The following SYN3 variants were observed in gnomAD, a reference collection of about 807,000 sequenced individuals.
SYN3 encodes synapsin III.
In SYN3, 35 loss-of-function variants were observed where a neutral mutation model predicts 65.8. That is an observed-to-expected ratio of 0.53 (90% CI 0.41 to 0.70). The LOEUF is 0.70. Among genes scored for constraint, SYN3 ranks in the 30% least tolerant of loss-of-function variants. SYN3 has a pLI of 0.00. For missense variants in SYN3, 680 were observed against 749.0 expected (o/e 0.91, Z 1.08); for synonymous variants, 270 against 292.9 (o/e 0.92, Z 0.80).
At chr22:32,647,372 A>G (rs1249199690) in intron 6 of SYN3, among the ~76,000 whole-genome samples, 1 of 152,188 alleles carries the variant, frequency 6.6e-6, no homozygotes, top group Non-Finnish European at 1.5e-5. Flanking sequence ...GCTTGAAAAT[A>G]GCATCAACAG....
intron 7 of SYN3, among the ~76,000 whole-genome samples, chr22:32,556,822 T>TGTGTGTGTAGAGATGGGG (rs2058508271): frequency 7.6e-6 from 1 of 131,990 alleles, no homozygotes; most frequent in Non-Finnish European, 1.6e-5. Context: ...TTTTTTTTTT[T>TGTGTGTGTAGAGATGGGG]TTTTTTTTTT....
intron 6 of SYN3, among the ~76,000 whole-genome samples, chr22:32,689,046 G>A (rs2060629243): frequency 6.6e-6 from 1 of 152,206 alleles, no homozygotes; most frequent in Non-Finnish European, 1.5e-5. Flanking sequence ...GAAACACACA[G>A]CACATAATAG....
chr22:32,952,757 A>G (rs1044553238), intron 3 of SYN3, among the ~76,000 whole-genome samples: 13 of 152,160 alleles, frequency 8.5e-5, no homozygotes, highest in Non-Finnish European at 1.6e-4. Context: ...CCTATCTCAA[A>G]TAAATAAATA....
intron 12 of SYN3, among the ~76,000 whole-genome samples, chr22:32,521,910 T>C (rs951355021): frequency 3.9e-5 from 6 of 152,350 alleles, no homozygotes; most frequent in South Asian, 2.1e-4. Context: ...ATTCAGTAAC[T>C]CTTTGTTGAG....
chr22:32,560,093 C>A (rs1054905849), intron 7 of SYN3, among the ~76,000 whole-genome samples: 88 of 152,358 alleles, frequency 5.8e-4, no homozygotes, highest in Non-Finnish European at 5.9e-5. Context: ...ACTGCGCATG[C>A]AGACAGCCCA....
chr22:32,538,823 T>C (rs1484264514), intron 8 of SYN3, among the ~76,000 whole-genome samples: 1 of 152,180 alleles, frequency 6.6e-6, no homozygotes, highest in Non-Finnish European at 1.5e-5. Context: ...TGCTCAGTAA[T>C]GCTCATCTCC....
chr22:32,710,619 C>T (rs548832296), intron 6 of SYN3, among the ~76,000 whole-genome samples: 39 of 92,584 alleles, frequency 4.2e-4, no homozygotes, highest in Non-Finnish European at 4.8e-4. Context: ...GCTGACAGAG[C>T]GAGACTCTGT....
chr22:33,035,416 T>C (rs1332868232), intron 1 of SYN3, among the ~76,000 whole-genome samples: 2 of 126,352 alleles, frequency 1.6e-5, no homozygotes, highest in African/African-American at 5.9e-5. Context: ...CTCTTCCAAA[T>C]GAATAGCTGT....
chr22:32,654,287 T>A (rs770469681), intron 6 of SYN3, among the ~76,000 whole-genome samples: 4 of 152,212 alleles, frequency 2.6e-5, no homozygotes, highest in Non-Finnish European at 4.4e-5. Context: ...TTGTCTGGAC[T>A]GTACTACTAC....
At chr22:32,775,086 T>C (rs903083245) in intron 6 of SYN3, among the ~76,000 whole-genome samples, 3 of 152,174 alleles carry the variant, frequency 2.0e-5, no homozygotes, top group African/African-American at 7.2e-5. Flanking sequence ...GGAGGCTGGA[T>C]GTCCAAGATC....
At position 32,753,229 on chromosome 22, in the gene SYN3, G is replaced by T. The variant is rs140864503; in HGVS notation, c.711+111686C>A. ...GGGTCAGGTTGTATGAAAGGTCAAA[G>T]GTCACGGGTCCTGTGGGCCTGCAGA... On this transcript the variant is annotated intron_variant, in intron 6 of 13. Coordinates refer to ENST00000358763, the MANE Select transcript of SYN3 (RefSeq NM_003490.4). 2.3e-4 allele frequency among the ~76,000 whole-genome samples: 35 copies of T among 152,286 alleles called. No homozygotes were observed. In the East Asian group the frequency reaches 6.4e-3, roughly 28 times the overall value.
chr22:32,831,369 A>G (rs955942323), intron 6 of SYN3, among the ~76,000 whole-genome samples: 1 of 152,216 alleles, frequency 6.6e-6, no homozygotes, highest in Non-Finnish European at 1.5e-5. Context: ...TCAGAGCATT[A>G]GAGTGGGCTG....
At chr22:32,756,448 T>C (rs28409934) in intron 6 of SYN3, among the ~76,000 whole-genome samples, 22,198 of 152,102 alleles carry the variant, frequency 0.15, 2,326 homozygotes, top group African/African-American at 0.3. Context: ...ATAATGAAAA[T>C]GGACAGTCTG....
At chr22:32,917,783 T>A (rs2050224549) in intron 4 of SYN3, among the ~76,000 whole-genome samples, 1 of 152,260 alleles carries the variant, frequency 6.6e-6, no homozygotes, top group Non-Finnish European at 1.5e-5. Context: ...GCCGCTGGCC[T>A]GTTGGCTGGA....
chr22:32,655,735 C>G (rs5998565), intron 6 of SYN3, among the ~76,000 whole-genome samples: 2,853 of 152,256 alleles, frequency 0.019, 76 homozygotes, highest in South Asian at 0.056. Flanking sequence ...CTCAGGGCTC[C>G]CACTGATTCT....
At chr22:32,813,320 G>C (rs755367380) in intron 6 of SYN3, among the ~76,000 whole-genome samples, 4 of 152,182 alleles carry the variant, frequency 2.6e-5, no homozygotes, top group Non-Finnish European at 4.4e-5. Flanking sequence ...GGAGACAATA[G>C]AGAGTGGCAG....
chr22:32,679,433 T>C (rs9621530), intron 6 of SYN3, among the ~76,000 whole-genome samples: 7,720 of 152,278 alleles, frequency 0.051, 224 homozygotes, highest in Admixed American at 0.071. Flanking sequence ...AATGCTGCAA[T>C]GAACATGAGA....
At chr22:32,581,979 T>C (rs925024049) in intron 7 of SYN3, among the ~76,000 whole-genome samples, 3 of 151,964 alleles carry the variant, frequency 2.0e-5, no homozygotes, top group African/African-American at 7.3e-5. Flanking sequence ...TTTATATTTT[T>C]AGTAGAGATG....
intron 6 of SYN3, among the ~76,000 whole-genome samples, chr22:32,713,650 G>A (rs1417286390): frequency 3.3e-5 from 5 of 151,774 alleles, no homozygotes; most frequent in Non-Finnish European, 7.4e-5. Context: ...CTAACACGGT[G>A]AAACCCCGTC....
Sources: allele counts gnomAD v4.1 joint callset (sites outside exome capture counted in the v4.1 genomes callset), GRCh38; gene constraint gnomAD v4.1.1; transcripts MANE v1.5; gene names NCBI Gene and HGNC (gene_info 2026-07-23, HGNC 2026-07-21).